NEK7: variants seen among roughly 807,000 people sequenced by gnomAD.
The protein encoded by NEK7 is NIMA related kinase 7, also known as serine/threonine-protein kinase Nek7.
A neutral mutation model predicts 44.6 loss-of-function variants in NEK7; 18 were observed. That is an observed-to-expected ratio of 0.40 (90% CI 0.28 to 0.60). The LOEUF (loss-of-function observed/expected upper bound fraction) is 0.60, where lower values mean the gene tolerates loss of function less well. Among genes scored for constraint, NEK7 ranks in the 20% least tolerant of loss-of-function variants. NEK7 has a pLI of 0.38. For synonymous variants in NEK7, 130 were observed against 121.1 expected (o/e 1.07, Z -0.48); for missense variants, 256 against 366.5 (o/e 0.70, Z 2.46).
At chr1:198,314,912 T>A (rs1655308750) in intron 9 of NEK7, among the ~76,000 whole-genome samples, 1 of 152,180 alleles carries the variant, frequency 6.6e-6, no homozygotes, top group Non-Finnish European at 1.5e-5. Flanking sequence ...CCCCCAGAGG[T>A]GGAGCCTACA....
At chr1:198,240,925 C>T (rs540052061) in intron 2 of NEK7, among the ~76,000 whole-genome samples, 1 of 152,288 alleles carries the variant, frequency 6.6e-6, no homozygotes, top group African/African-American at 2.4e-5. Context: ...GAACTCCTAA[C>T]CTTGTGATCC....
chr1:198,204,166 G>A (rs1382772375), intron 1 of NEK7, among the ~76,000 whole-genome samples: 10 of 152,004 alleles, frequency 6.6e-5, no homozygotes, highest in African/African-American at 1.7e-4. Flanking sequence ...AGGCTGGAGC[G>A]GGAGGATCTC....
At chr1:198,202,760 A>C (rs1665471634) in intron 1 of NEK7, among the ~76,000 whole-genome samples, 1 of 152,192 alleles carries the variant, frequency 6.6e-6, no homozygotes, top group Admixed American at 6.5e-5. Context: ...CCATGAGAGC[A>C]ACATGGGGGA....
chr1:198,191,819 G>A (rs1274866557), intron 1 of NEK7, among the ~76,000 whole-genome samples: 4 of 152,032 alleles, frequency 2.6e-5, no homozygotes, highest in Admixed American at 6.6e-5. Context: ...TTCTGTGTGT[G>A]TACGTGTGTA....
chr1:198,247,991 A>G (rs1666883673), intron 2 of NEK7, among the ~76,000 whole-genome samples: 1 of 152,166 alleles, frequency 6.6e-6, no homozygotes, highest in African/African-American at 2.4e-5. Flanking sequence ...TTGCATTAAT[A>G]GGTCTTTAAT....
At chr1:198,241,473 ATTAAT>A (rs1666683937) in intron 2 of NEK7, among the ~76,000 whole-genome samples, 1 of 152,220 alleles carries the variant, frequency 6.6e-6, no homozygotes, top group African/African-American at 2.4e-5. Context: ...AGTACCTGGA[ATTAAT>A]TTAATTTTAG....
chr1:198,179,688 C>T (rs1422828621), intron 1 of NEK7, among the ~76,000 whole-genome samples: 1 of 152,060 alleles, frequency 6.6e-6, no homozygotes, highest in East Asian at 1.9e-4. Flanking sequence ...CCTTTATAGT[C>T]TGTGAAACCC....
intron 1 of NEK7, among the ~76,000 whole-genome samples, chr1:198,194,598 A>G (rs1032381490): frequency 8.5e-5 from 13 of 152,192 alleles, no homozygotes; most frequent in African/African-American, 3.1e-4. Context: ...TCAGTTTTCT[A>G]AGGTCAGTGG....
At chr1:198,272,164 C>A (rs889736878) in intron 5 of NEK7, among the ~76,000 whole-genome samples, 2 of 151,488 alleles carry the variant, frequency 1.3e-5, no homozygotes, top group Non-Finnish European at 3.0e-5. Context: ...GGAAATTGAA[C>A]ACTTTATACC....
At chr1:198,252,527 A>AATATATATAT (rs1558079042) in intron 2 of NEK7, among the ~76,000 whole-genome samples, 2 of 12,622 alleles carry the variant, frequency 1.6e-4, no homozygotes, top group Non-Finnish European at 3.2e-4. Flanking sequence ...TATCTCACAT[A>AATATATATAT]CTATATATAT....
At chr1:198,283,396 C>T (rs1227071096) in intron 7 of NEK7, among the ~76,000 whole-genome samples, 2 of 151,966 alleles carry the variant, frequency 1.3e-5, no homozygotes, top group Non-Finnish European at 2.9e-5. Flanking sequence ...CAGAGTACAC[C>T]ACATTGGAAC....
chr1:198,289,862 A>G (rs924069624), intron 7 of NEK7, among the ~76,000 whole-genome samples: 2 of 152,162 alleles, frequency 1.3e-5, no homozygotes, highest in Non-Finnish European at 2.9e-5. Flanking sequence ...ATTAGAATAT[A>G]TTTATTGTTT....
rs116684018 is a variant in NEK7 at position 198,167,424 on chromosome 1, A to G, written c.-29+10148A>G. On this transcript the variant is annotated intron_variant, in intron 1 of 9. Transcript: ENST00000367385. ...TCTGAGAGATAAAGGCACCCAAGGC[A>G]TCTTATATGATATGCACTCATTAAC... 1.6e-3 allele frequency among the ~76,000 whole-genome samples: 243 copies of G among 152,324 alleles called. 2 individuals are homozygous for G. The highest frequency in any genetic ancestry group is 5.7e-3 in the African/African-American group (235 of 41,574).
At chr1:198,258,380 A>C (rs1653345882) in intron 3 of NEK7, among the ~76,000 whole-genome samples, 1 of 152,212 alleles carries the variant, frequency 6.6e-6, no homozygotes, top group South Asian at 2.1e-4. Context: ...TGGAGGTTAC[A>C]GTGAGCCAAG....
chr1:198,196,327 T>C (rs1665235893), intron 1 of NEK7, among the ~76,000 whole-genome samples: 1 of 152,216 alleles, frequency 6.6e-6, no homozygotes, highest in Non-Finnish European at 1.5e-5. Context: ...GTAAATTATC[T>C]GTCTGGCTTT....
chr1:198,232,631 A>G lies in NEK7; in HGVS notation c.51A>G (p.Gln17=), dbSNP rs976585620. Residue 17 remains glutamine (Q), a synonymous_variant, in exon 2 of 10, where the codon CAA becomes CAG. Transcript: ENST00000367385. ...AAGGGCCACCTGTTCCTCAGTTCCA[A>G]CCACAGGTAATTTATCCTAATTAAG... ...GMQGPPVPQF[Q]PQKALRPDMG... 3.8e-6 allele frequency: 6 copies of G among 1,586,092 alleles called. No individual in the cohort carries two copies. In the African/African-American group the frequency reaches 5.4e-5, roughly 14 times the overall value.
intron 1 of NEK7, among the ~76,000 whole-genome samples, chr1:198,205,362 C>A (rs1327951229): frequency 6.6e-6 from 1 of 152,162 alleles, no homozygotes; most frequent in African/African-American, 2.4e-5. Context: ...GCATGATAAT[C>A]ATCTCTGTAC....
chr1:198,271,750 A>C (rs1249017610), intron 5 of NEK7, among the ~76,000 whole-genome samples: 1 of 151,784 alleles, frequency 6.6e-6, no homozygotes, highest in Non-Finnish European at 1.5e-5. Flanking sequence ...TTCCAAATGC[A>C]GTTTCCCACT....
At chr1:198,247,137 T>A (rs762782041) in intron 2 of NEK7, among the ~76,000 whole-genome samples, 7 of 152,202 alleles carry the variant, frequency 4.6e-5, no homozygotes, top group Non-Finnish European at 8.8e-5. Flanking sequence ...TGAAAAGAAA[T>A]CCATTTACAA....
Sources: allele counts gnomAD v4.1 joint callset (sites outside exome capture counted in the v4.1 genomes callset), GRCh38; gene constraint gnomAD v4.1.1; transcripts MANE v1.5; gene names NCBI Gene and HGNC (gene_info 2026-07-23, HGNC 2026-07-21).